The following CCDC171 variants were observed in gnomAD, a reference collection of about 807,000 sequenced individuals.
The protein encoded by CCDC171 is coiled-coil domain containing 171.
A neutral mutation model predicts 168.2 loss-of-function variants in CCDC171; 177 were observed. The ratio of observed to expected loss-of-function variants is 1.05; its 90% CI spans 0.93 to 1.19. The LOEUF is 1.19. CCDC171 is among the 50% of genes most tolerant of loss of function. CCDC171 has a pLI of 0.00. For missense variants in CCDC171, 1,991 were observed against 1,539.0 expected, an observed-to-expected ratio of 1.29 and a Z score of -4.91; for synonymous variants, 687 against 540.8, an observed-to-expected ratio of 1.27 and a Z score of -3.75.
chr9:15,762,076 A>C lies in CCDC171; in HGVS notation c.2672-15524A>C, dbSNP rs557612034. 3.9e-5 allele frequency among the ~76,000 whole-genome samples: 6 copies of C among 151,954 alleles called. No individual in the cohort carries two copies. In the South Asian group the frequency reaches 1.2e-3, roughly 32 times the overall value. On this transcript the variant is annotated intron_variant, in intron 18 of 25. Coordinates refer to ENST00000380701, the MANE Select transcript of CCDC171 (RefSeq NM_173550.4). ...TAAAATAATATACAAAATCAAAATA[A>C]TTTTAGGAAGCATAGATGAGGCTTG... is the stretch of plus-strand genomic sequence containing the variant.
chr9:15,563,231 C>T (rs1026941689), intron 1 of CCDC171, among the ~76,000 whole-genome samples: 1 of 151,760 alleles, frequency 6.6e-6, no homozygotes, highest in African/African-American at 2.4e-5. Context: ...CTCCGCCTCC[C>T]AGGTTCAAGC....
chr9:16,020,678 C>CTGAG (rs1833138135), exon 4 of CCDC171: 1 of 154,376 alleles, frequency 6.5e-6, no homozygotes, highest in African/African-American at 2.4e-5. Flanking sequence ...AAGATGGCTA[C>CTGAG]TGAGTGACAC....
At chr9:15,780,338 T>C (rs964167361) in intron 20 of CCDC171, among the ~76,000 whole-genome samples, 2 of 152,034 alleles carry the variant, frequency 1.3e-5, no homozygotes, top group Non-Finnish European at 2.9e-5. Flanking sequence ...TTTTTTCTAA[T>C]TATGAAAGTT....
At chr9:16,038,278 A>T (rs987846075), upstream of CCDC171, among the ~76,000 whole-genome samples, 13 of 152,170 alleles carry the variant, frequency 8.5e-5, no homozygotes, top group Non-Finnish European at 1.5e-4. Flanking sequence ...TATTTCAAGT[A>T]GAAGAAAATT....
At chr9:15,621,095 T>C (rs2044468237) in intron 6 of CCDC171, among the ~76,000 whole-genome samples, 1 of 152,110 alleles carries the variant, frequency 6.6e-6, no homozygotes, top group African/African-American at 2.4e-5. Context: ...CCTCCCATAG[T>C]AGCTGGGATT....
chr9:15,614,200 T>G (rs2043918990), intron 6 of CCDC171, among the ~76,000 whole-genome samples: 1 of 152,210 alleles, frequency 6.6e-6, no homozygotes, highest in African/African-American at 2.4e-5. Context: ...TGCATGGTTT[T>G]CTGATGCCAG....
At chr9:16,013,368 C>G (rs1441201797) in intron 3 of CCDC171, among the ~76,000 whole-genome samples, 1 of 152,118 alleles carries the variant, frequency 6.6e-6, no homozygotes, top group Admixed American at 6.6e-5. Flanking sequence ...GATTAATATT[C>G]CCAGGTGTAG....
At chr9:15,998,182 AC>A (rs1832430905) in intron 3 of CCDC171, among the ~76,000 whole-genome samples, 1 of 152,150 alleles carries the variant, frequency 6.6e-6, no homozygotes, top group Admixed American at 6.5e-5. Flanking sequence ...CGGTTCCCAG[AC>A]CCATGTGTTC....
intron 7 of CCDC171, among the ~76,000 whole-genome samples, chr9:15,653,339 A>G (rs952897977): frequency 6.6e-6 from 1 of 151,788 alleles, no homozygotes; most frequent in Non-Finnish European, 1.5e-5. Flanking sequence ...TTGGTGCTTC[A>G]CCATGTTGCC....
intron 7 of CCDC171, among the ~76,000 whole-genome samples, chr9:15,643,630 C>T (rs569786724): frequency 6.6e-6 from 1 of 152,250 alleles, no homozygotes; most frequent in South Asian, 2.1e-4. Context: ...TTAATATATT[C>T]ACTATACTGT....
intron 7 of CCDC171, among the ~76,000 whole-genome samples, chr9:15,642,343 G>GTGTA (rs1369419679): frequency 0.021 from 2,244 of 104,732 alleles, 34 homozygotes; most frequent in African/African-American, 0.035. Flanking sequence ...GTGTGTGTGT[G>GTGTA]TATATATATA....
chr9:15,622,259 A>G (rs1485894924), intron 6 of CCDC171, among the ~76,000 whole-genome samples: 10 of 152,208 alleles, frequency 6.6e-5, no homozygotes, highest in Non-Finnish European at 1.5e-5. Context: ...TAACAAACCT[A>G]CACATGTACC....
chr9:15,591,139 A>G (rs1312949650), intron 4 of CCDC171, among the ~76,000 whole-genome samples: 2 of 152,086 alleles, frequency 1.3e-5, no homozygotes, highest in Non-Finnish European at 1.5e-5. Flanking sequence ...CATTGTCTGA[A>G]GGGGAAGAAG....
intron 6 of CCDC171, among the ~76,000 whole-genome samples, chr9:15,607,363 C>G (rs1052451108): frequency 1.3e-5 from 2 of 152,128 alleles, no homozygotes; most frequent in Non-Finnish European, 2.9e-5. Flanking sequence ...AATTTTCTGT[C>G]TGTATACATT....
At chr9:15,665,194 A>G (rs1163594323) in intron 8 of CCDC171, among the ~76,000 whole-genome samples, 1 of 151,990 alleles carries the variant, frequency 6.6e-6, no homozygotes, top group Non-Finnish European at 1.5e-5. Flanking sequence ...TGGTGCAATC[A>G]CAGCCCACGG....
At chr9:15,744,831 G>A in intron 17 of CCDC171, 54 bp downstream of exon 17, 1 of 1,531,820 alleles carries the variant, frequency 6.5e-7, no homozygotes, top group South Asian at 1.2e-5. Context: ...GAAATACAGT[G>A]TGACTATACC....
Position 15,779,187 on chromosome 9 carries a change from G to A in CCDC171, c.3081+37G>A, listed in dbSNP as rs375496560. 85 of 1,241,394 alleles carry A rather than the reference G, an allele frequency of 6.8e-5. No individual in the cohort carries two copies. In the African/African-American group the frequency reaches 1.2e-3, roughly 18 times the overall value. The allele number at this position is 1,241,394 out of a possible 1,614,324, so 76.9% of individuals were successfully genotyped here. ...TCATTTAGGAAACTGTTGCTTTGCT[G>A]ATATATATTTCTTTATCTCTATATC... On this transcript the variant is annotated intron_variant, in intron 20 of 25. Coordinates refer to ENST00000380701, the MANE Select transcript of CCDC171 (RefSeq NM_173550.4).
At chr9:15,634,899 G>C (rs1587620955) in intron 7 of CCDC171, among the ~76,000 whole-genome samples, 2 of 152,168 alleles carry the variant, frequency 1.3e-5, no homozygotes, top group Admixed American at 6.5e-5. Flanking sequence ...TACAATATAT[G>C]GTCTTTTCTG....
chr9:16,027,046 C>T (rs1833288345), intron 6 of CCDC171, among the ~76,000 whole-genome samples: 1 of 152,132 alleles, frequency 6.6e-6, no homozygotes, highest in African/African-American at 2.4e-5. Context: ...TGATATTGCA[C>T]TTGGTGATGC....
Sources: allele counts gnomAD v4.1 joint callset (sites outside exome capture counted in the v4.1 genomes callset), GRCh38; gene constraint gnomAD v4.1.1; transcripts MANE v1.5; gene names NCBI Gene and HGNC (gene_info 2026-07-23, HGNC 2026-07-21).